The following PIK3C2G variants were observed in gnomAD, a reference collection of about 807,000 sequenced individuals.
The protein encoded by PIK3C2G is phosphatidylinositol-4-phosphate 3-kinase catalytic subunit type 2 gamma.
PIK3C2G carries 168 observed loss-of-function variants against 181.1 expected under a neutral mutation model. That is an observed-to-expected ratio of 0.93 (90% CI 0.82 to 1.05). The LOEUF (loss-of-function observed/expected upper bound fraction) is 1.05, where lower values mean the gene tolerates loss of function less well. Ranked by LOEUF, PIK3C2G falls within the 50% of genes least tolerant of loss-of-function variation. PIK3C2G has a pLI of 0.00. For synonymous variants in PIK3C2G, 573 were observed against 592.2 expected (o/e 0.97, Z 0.47); for missense variants, 1,869 against 1,732.8 (o/e 1.08, Z -1.40).
downstream of PIK3C2G, among the ~76,000 whole-genome samples, chr12:18,650,284 A>T (rs1950360780): frequency 6.9e-6 from 1 of 145,162 alleles, no homozygotes; most frequent in Admixed American, 7.0e-5. Context: ...ACTTGAAGCT[A>T]ACCCAAATTT....
At chr12:18,701,479 T>G in the PIK3C2G span, 76 of 1,613,910 alleles carry the variant, frequency 4.7e-5, no homozygotes, top group Non-Finnish European at 6.4e-5. Flanking sequence ...ACTTGTAAGA[T>G]TTTCACAAAA....
Position 18,419,031 on chromosome 12 carries a change from A to G in PIK3C2G, c.2316-1910A>G, listed in dbSNP as rs576148453. Among the ~76,000 whole-genome samples the G allele has an allele frequency of 1.6e-4, 25 of 152,310 alleles. No individual in the cohort carries two copies. The South Asian group carries it at 5.0e-3, about 30-fold the overall frequency. The stretch of plus-strand genomic sequence containing the variant: ...GTGATAACACAGACTACAGTGAGGA[A>G]GGCTGGTAGTAAAGATGTTTACGTG... On this transcript the variant is annotated intron_variant, in intron 16 of 32. Transcript: ENST00000538779.
At chr12:18,644,764 A>G (rs1950028326) in intron 32 of PIK3C2G, among the ~76,000 whole-genome samples, 1 of 152,104 alleles carries the variant, frequency 6.6e-6, no homozygotes, top group Non-Finnish European at 1.5e-5. Flanking sequence ...GCACTACACT[A>G]TGCTGTTATT....
At chr12:18,354,505 GT>G (rs1940527289) in intron 11 of PIK3C2G, among the ~76,000 whole-genome samples, 1 of 152,204 alleles carries the variant, frequency 6.6e-6, no homozygotes. Context: ...ATCCTACACT[GT>G]TGGCAAAGGT....
chr12:18,677,274 A>C, the PIK3C2G span, among the ~76,000 whole-genome samples: 1 of 152,142 alleles, frequency 6.6e-6, no homozygotes, highest in Non-Finnish European at 1.5e-5. Flanking sequence ...AATTGAGGAA[A>C]GATGGCGAGC....
At chr12:18,652,598 C>T (rs1458753775), downstream of PIK3C2G, among the ~76,000 whole-genome samples, 1 of 151,998 alleles carries the variant, frequency 6.6e-6, no homozygotes, top group African/African-American at 2.4e-5. Flanking sequence ...TTGTGTTGTC[C>T]CAGCCCCACA....
At chr12:18,327,072 C>CA (rs1043062219) in intron 8 of PIK3C2G, among the ~76,000 whole-genome samples, 13 of 151,992 alleles carry the variant, frequency 8.6e-5, no homozygotes, top group Admixed American at 2.6e-4. Context: ...TAAAAGTTGG[C>CA]AAAATACCAA....
At chr12:18,723,485 G>C in the PIK3C2G span, 5 of 1,612,808 alleles carry the variant, frequency 3.1e-6, no homozygotes, top group Non-Finnish European at 4.2e-6. Context: ...GTGATAATTC[G>C]ATAAATTGCT....
intron 15 of PIK3C2G, among the ~76,000 whole-genome samples, chr12:18,393,462 G>T (rs915974121): frequency 1.3e-5 from 2 of 151,846 alleles, no homozygotes; most frequent in Admixed American, 6.6e-5. Flanking sequence ...AAAGTAATCA[G>T]AGTGAGGAAG....
At chr12:18,407,881 T>C (rs1394913415) in intron 16 of PIK3C2G, among the ~76,000 whole-genome samples, 3 of 152,076 alleles carry the variant, frequency 2.0e-5, no homozygotes, top group African/African-American at 7.2e-5. Context: ...GTAGCTGAAG[T>C]CCAGGGGAGG....
chr12:18,462,233 A>G (rs941470649), intron 18 of PIK3C2G, among the ~76,000 whole-genome samples: 1 of 152,172 alleles, frequency 6.6e-6, no homozygotes. Context: ...ACTTTAATCC[A>G]CAGTCTGTTA....
intron 9 of PIK3C2G, among the ~76,000 whole-genome samples, chr12:18,339,912 A>G (rs1378681269): frequency 6.6e-6 from 1 of 152,198 alleles, no homozygotes; most frequent in African/African-American, 2.4e-5. Context: ...AGAAATCAAA[A>G]TTTAAATAAT....
In PIK3C2G at chr12:18,495,527, C is replaced by T. The variant is rs192053000; in HGVS notation, c.2794-535C>T. 1.7e-3 allele frequency among the ~76,000 whole-genome samples: 255 copies of T among 152,106 alleles called. 1 individual carries two copies. Among genetic ancestry groups the T allele is most frequent in the African/African-American group, 5.8e-3 (242 of 41,518 alleles). The stretch of plus-strand genomic sequence containing the variant: ...GGCATTGTAAAAGGTATCTTATATC[C>T]GTTAGTTCCTGAATCTATCACAAAG... On this transcript the variant is annotated intron_variant, in intron 20 of 32. Coordinates refer to ENST00000538779, the MANE Select transcript of PIK3C2G (RefSeq NM_001288772.2).
chr12:18,281,104 G>T (rs1366014274), intron 1 of PIK3C2G, among the ~76,000 whole-genome samples: 2 of 151,822 alleles, frequency 1.3e-5, no homozygotes, highest in Non-Finnish European at 2.9e-5. Context: ...ATATCCAAAT[G>T]GAGCTATTGA....
chr12:18,713,441 A>G, the PIK3C2G span, among the ~76,000 whole-genome samples: 2,904 of 152,226 alleles, frequency 0.019, 84 homozygotes, highest in African/African-American at 0.066. Context: ...TTCTTTCCTC[A>G]TGTCAGGCTT....
the PIK3C2G span, among the ~76,000 whole-genome samples, chr12:18,659,798 A>G: frequency 1.3e-5 from 2 of 151,578 alleles, no homozygotes; most frequent in African/African-American, 4.8e-5. Flanking sequence ...AGCATTATGT[A>G]TATCACCTAA....
At chr12:18,589,224 G>T (rs549315755) in intron 29 of PIK3C2G, among the ~76,000 whole-genome samples, 4 of 151,748 alleles carry the variant, frequency 2.6e-5, no homozygotes, top group African/African-American at 9.7e-5. Flanking sequence ...TTAATCAGGA[G>T]ATCTATTTAT....
At chr12:18,553,455 A>G (rs957052936) in intron 26 of PIK3C2G, among the ~76,000 whole-genome samples, 1 of 152,018 alleles carries the variant, frequency 6.6e-6, no homozygotes, top group Non-Finnish European at 1.5e-5. Flanking sequence ...TCTATCTAAA[A>G]AGGTAAAAGA....
At chr12:18,619,575 TCA>T (rs1488206350) in intron 31 of PIK3C2G, among the ~76,000 whole-genome samples, 1 of 152,166 alleles carries the variant, frequency 6.6e-6, no homozygotes, top group African/African-American at 2.4e-5. Context: ...TCATTTTCTT[TCA>T]GTTTATAATT....
Sources: allele counts gnomAD v4.1 joint callset (sites outside exome capture counted in the v4.1 genomes callset), GRCh38; gene constraint gnomAD v4.1.1; transcripts MANE v1.5; gene names NCBI Gene and HGNC (gene_info 2026-07-23, HGNC 2026-07-21).